Variants in AKAP11 observed in about 807,000 individuals in gnomAD.
The protein encoded by AKAP11 is A-kinase anchoring protein 11.
AKAP11 carries 36 observed loss-of-function variants against 146.1 expected under a neutral mutation model. The observed-to-expected ratio is 0.25, with a 90% CI of 0.19 to 0.33. The LOEUF (loss-of-function observed/expected upper bound fraction) is 0.33. Ranked by LOEUF, AKAP11 falls within the 10% of genes least tolerant of loss-of-function variation. The probability of loss-of-function intolerance (pLI) is 1.00; values close to 1 mark genes in which losing one functional copy is unlikely to be tolerated. For synonymous variants in AKAP11, 780 were observed against 786.5 expected, an observed-to-expected ratio of 0.99 and a Z score of 0.14; for missense variants, 2,201 against 2,197.0, an observed-to-expected ratio of 1.00 and a Z score of -0.04.
At chr13:42,294,355 TA>T (rs2138535954) in intron 4 of AKAP11, among the ~76,000 whole-genome samples, 1 of 152,272 alleles carries the variant, frequency 6.6e-6, no homozygotes, top group African/African-American at 2.4e-5. Context: ...AATATAAATG[TA>T]AAAAGTAACA....
At chr13:42,294,510 C>T (rs1238415393) in intron 4 of AKAP11, among the ~76,000 whole-genome samples, 1 of 152,002 alleles carries the variant, frequency 6.6e-6, no homozygotes, top group Non-Finnish European at 1.5e-5. Flanking sequence ...TCAAGTGATT[C>T]TCCTGTCTCA....
Position 42,300,520 on chromosome 13 carries a change from T to C in AKAP11, c.1774T>C (p.Leu592=), listed in dbSNP as rs1222368530. 1 of 1,614,124 alleles carries C rather than the reference T, an allele frequency of 6.2e-7. No individual in the cohort carries two copies. The highest frequency in any genetic ancestry group is 1.1e-5 in the South Asian group (1 of 91,080). Reference sequence around the variant, plus strand: ...AGCCATCAAATTGACATCATCTGTTTTGCAGATGGCATTTGATGAGCTGAG... The same window carrying C: ...AGCCATCAAATTGACATCATCTGTTCTGCAGATGGCATTTGATGAGCTGAG... The part of the protein sequence containing the change: ...HLAIKLTSSV[L]QMAFDELRRQ... Residue 592 remains leucine (L), a synonymous_variant, in exon 8 of 13, where the codon TTG becomes CTG. Transcript: ENST00000025301.
chr13:42,313,278 A>C (rs1254630594), intron 10 of AKAP11, 148 bp downstream of exon 10: 1 of 618,234 alleles, frequency 1.6e-6, no homozygotes, highest in Non-Finnish European at 2.7e-6. Flanking sequence ...TGATGAATTC[A>C]CATCTAATGA....
rs778412139 is a variant in AKAP11, at chr13:42,303,087, T to C, written c.4341T>C (p.Tyr1447=). The change falls in exon 8 of 13, where the codon TAT becomes TAC. Residue 1447 remains tyrosine (Y), a synonymous_variant. Coordinates refer to ENST00000025301, the MANE Select transcript of AKAP11 (RefSeq NM_016248.4). ...NQTCERTLDP[Y]RNEVSQLYSF... ...CTTGTGAAAGGACCCTGGATCCATATAGAAATGAGGTCTCCCAACTGTATA... is the reference window on the plus strand; with the variant it reads ...CTTGTGAAAGGACCCTGGATCCATACAGAAATGAGGTCTCCCAACTGTATA... 18 of 1,613,586 alleles carry C rather than the reference T, an allele frequency of 1.1e-5. No homozygotes were observed. The highest frequency in any genetic ancestry group is 2.7e-5 in the African/African-American group (2 of 74,858).
intron 9 of AKAP11, among the ~76,000 whole-genome samples, chr13:42,311,442 A>C (rs1157194630): frequency 6.6e-6 from 1 of 152,210 alleles, no homozygotes; most frequent in Non-Finnish European, 1.5e-5. Flanking sequence ...GGTCTTTAAA[A>C]AAGTGTCCTG....
chr13:42,280,591 A>G (rs1363078297), intron 1 of AKAP11, among the ~76,000 whole-genome samples: 1 of 152,222 alleles, frequency 6.6e-6, no homozygotes, highest in African/African-American at 2.4e-5. Flanking sequence ...AATGCCTACT[A>G]TGTAAAAATA....
rs761776318 is a variant in AKAP11 at position 42,300,055 on chromosome 13, G to A, written c.1309G>A (p.Val437Met). ...LCDAPDSPRP[V>M]KASREDSGLF... ...TGATGCTCCGGATTCTCCTCGCCCA[G>A]TGAAGGCATCAAGGGAAGATAGTGG... Residue 437 changes from valine to methionine, a missense_variant, in exon 8 of 13, where the codon GTG becomes ATG. This residue lies in a region of AKAP11 where 1,867 missense variants were observed against 1,833.5 expected (regional missense o/e 1.02). Transcript: ENST00000025301. 7 of 1,613,932 alleles carry A rather than the reference G, an allele frequency of 4.3e-6. No homozygotes were observed. In the South Asian group the frequency reaches 5.5e-5, roughly 13 times the overall value.
chr13:42,279,749 T>G (rs1959018593), intron 1 of AKAP11, among the ~76,000 whole-genome samples: 1 of 152,236 alleles, frequency 6.6e-6, no homozygotes, highest in Non-Finnish European at 1.5e-5. Context: ...TTGGTAATTT[T>G]TATTGTATGC....
At chr13:42,296,502 G>T (rs1196541143) in intron 5 of AKAP11, among the ~76,000 whole-genome samples, 3 of 151,976 alleles carry the variant, frequency 2.0e-5, no homozygotes, top group African/African-American at 7.2e-5. Context: ...CTTTAGCTGG[G>T]TAAAATATTT....
chr13:42,321,782 A>T lies in AKAP11; in HGVS notation c.*2554A>T, dbSNP rs1252422111. ...GACATATTTATACTGTAACATTGTA[A>T]TATTGCTGTGCTGTACATTTTGGCC... On this transcript the variant is annotated 3_prime_UTR_variant, in exon 13 of 13. Transcript: ENST00000025301. 6.6e-6 allele frequency: 1 copy of T among 152,298 alleles called. No homozygotes were observed. The highest frequency in any genetic ancestry group is 1.5e-5 in the Non-Finnish European group (1 of 68,006). The allele number at this position is 152,298 out of a possible 1,614,324, so 9.4% of individuals were successfully genotyped here.
chr13:42,272,714 G>A (rs1222530178), intron 1 of AKAP11, among the ~76,000 whole-genome samples: 1 of 152,178 alleles, frequency 6.6e-6, no homozygotes, highest in Non-Finnish European at 1.5e-5. Flanking sequence ...CTTGGAAGCA[G>A]GCGCTGCTCA....
At position 42,300,081 on chromosome 13, in the gene AKAP11, T is replaced by C; in HGVS notation, c.1335T>C (p.Gly445=). 1 of 1,613,938 alleles carries C rather than the reference T, an allele frequency of 6.2e-7. No homozygotes were observed. The highest frequency in any genetic ancestry group is 1.3e-5 in the African/African-American group (1 of 75,022). Residue 445 remains glycine (G), a synonymous_variant, in exon 8 of 13, where the codon GGT becomes GGC. Transcript: ENST00000025301. The part of the protein sequence containing the change: ...RPVKASREDS[G]LFSPIRSSAF... ...TGAAGGCATCAAGGGAAGATAGTGG[T>C]TTATTTAGTCCTATTCGATCCTCTG...
chr13:42,300,898 G>T lies in AKAP11; in HGVS notation c.2152G>T (p.Val718Phe). Residue 718 changes from valine (V) to phenylalanine (F), a missense_variant, in exon 8 of 13, where the codon GTT becomes TTT. Coordinates refer to ENST00000025301, the MANE Select transcript of AKAP11 (RefSeq NM_016248.4). ...VDVTFTTKAA[V>F]SVSTDNIKYV... ...TGTGACCTTTACAACAAAGGCAGCAGTTAGTGTCTCTACGGATAATATCAA... is the reference window on the plus strand; with the variant it reads ...TGTGACCTTTACAACAAAGGCAGCATTTAGTGTCTCTACGGATAATATCAA... The T allele has an allele frequency of 6.2e-7, 1 of 1,614,156 alleles. No homozygotes were observed. Among genetic ancestry groups the T allele is most frequent in the Non-Finnish European group, 8.5e-7 (1 of 1,179,988 alleles).
intron 4 of AKAP11, among the ~76,000 whole-genome samples, chr13:42,293,635 ATGTCCTG>A (rs1479678477): frequency 2.0e-5 from 3 of 152,204 alleles, no homozygotes; most frequent in Non-Finnish European, 2.9e-5. Context: ...CTATGAAATG[ATGTCCTG>A]TGTCCTGTCC....
At chr13:42,295,611 G>T in intron 4 of AKAP11, 84 bp from the exon 5 acceptor site, 1 of 1,305,834 alleles carries the variant, frequency 7.7e-7, no homozygotes. Flanking sequence ...TGCTTTGTCT[G>T]TTTTTTCCTG....
rs1282666279 is a variant in AKAP11 at position 42,300,409 on chromosome 13, G to T, written c.1663G>T (p.Ala555Ser). The change falls in exon 8 of 13, where the codon GCA becomes TCA. Residue 555 changes from alanine (A) to serine (S), a missense_variant. Physicochemically the swap from Ala to Ser is moderately conservative, Grantham distance 99. Coordinates refer to ENST00000025301, the MANE Select transcript of AKAP11 (RefSeq NM_016248.4). ...MIKDSIQKFA[A>S]DLVEKSFGSA... ...TAAAGATAGCATTCAAAAATTTGCA[G>T]CAGATCTTGTGGAAAAAAGTTTTGG... is the stretch of plus-strand genomic sequence containing the variant. The T allele has an allele frequency of 6.2e-7, 1 of 1,612,434 alleles. No individual in the cohort carries two copies. The highest frequency in any genetic ancestry group is 1.7e-5 in the Admixed American group (1 of 59,800).
At chr13:42,290,333 A>C (rs1358310223) in intron 3 of AKAP11, among the ~76,000 whole-genome samples, 1 of 152,184 alleles carries the variant, frequency 6.6e-6, no homozygotes, top group Non-Finnish European at 1.5e-5. Context: ...ATCAGATCTG[A>C]AGTCCATATT....
Position 42,284,130 on chromosome 13 carries a change from G to A in AKAP11, c.-99-1856G>A, listed in dbSNP as rs112569356. Among the ~76,000 whole-genome samples the A allele has an allele frequency of 3.5e-3, 529 of 152,224 alleles. 1 individual carries two copies. The highest frequency in any genetic ancestry group is 0.01 in the Middle Eastern group (3 of 294). Reference sequence around the variant, plus strand: ...CCTCAGTTTTTCTCATCGTCAAACCGGGGTCCTATTCTGTAGTCTTAAGGA... The same window carrying A: ...CCTCAGTTTTTCTCATCGTCAAACCAGGGTCCTATTCTGTAGTCTTAAGGA... On this transcript the variant is annotated intron_variant, in intron 1 of 12. Coordinates refer to ENST00000025301, the MANE Select transcript of AKAP11 (RefSeq NM_016248.4).
At chr13:42,303,922 A>G (rs988511993) in intron 8 of AKAP11, 59 bp downstream of exon 8, 38 of 1,500,692 alleles carry the variant, frequency 2.5e-5, no homozygotes, top group East Asian at 2.1e-4. Flanking sequence ...ATGTGATCCT[A>G]TATGTCTTAG....
Sources: gnomAD v4.1 joint callset for allele counts (sites outside exome capture counted in the v4.1 genomes callset) on GRCh38, gnomAD v4.1.1 for gene constraint, gnomAD v4.1.1 regional missense constraint, MANE v1.5 for transcripts, NCBI Gene and HGNC (gene_info 2026-07-23, HGNC 2026-07-21) for gene names.